PLA2G4A: variants seen among roughly 807,000 people sequenced by gnomAD.
PLA2G4A encodes the protein cytosolic phospholipase A2.
Under a neutral mutation model 81.9 loss-of-function variants are expected in PLA2G4A, and 40 were observed. The ratio of observed to expected loss-of-function variants is 0.49; its 90% CI spans 0.38 to 0.64. The LOEUF (loss-of-function observed/expected upper bound fraction) is 0.64, where lower values mean the gene tolerates loss of function less well. Among genes scored for constraint, PLA2G4A ranks in the 30% least tolerant of loss-of-function variants. The pLI, the probability that PLA2G4A is intolerant of heterozygous loss-of-function variation, is 0.00. For synonymous variants in PLA2G4A, 302 were observed against 296.9 expected (o/e 1.02, Z -0.18); for missense variants, 715 against 905.1 (o/e 0.79, Z 2.69).
intron 7 of PLA2G4A, among the ~76,000 whole-genome samples, chr1:186,925,497 A>G (rs766533934): frequency 3.9e-5 from 6 of 152,134 alleles, no homozygotes; most frequent in Non-Finnish European, 7.3e-5. Flanking sequence ...CCTCCCAGTA[A>G]GCACCTCTTA....
At chr1:186,919,810 T>G (rs1429947130) in intron 7 of PLA2G4A, among the ~76,000 whole-genome samples, 1 of 152,150 alleles carries the variant, frequency 6.6e-6, no homozygotes. Context: ...GGGTGCAAAG[T>G]CACTGTAGCT....
intron 1 of PLA2G4A, among the ~76,000 whole-genome samples, chr1:186,846,489 C>G (rs755633195): frequency 6.6e-6 from 1 of 152,018 alleles, no homozygotes; most frequent in Non-Finnish European, 1.5e-5. Context: ...TATTACAGGG[C>G]TCTCATGTAC....
At chr1:186,969,128 AT>A (rs970762306) in intron 15 of PLA2G4A, among the ~76,000 whole-genome samples, 3 of 151,874 alleles carry the variant, frequency 2.0e-5, no homozygotes, top group Admixed American at 6.6e-5. Flanking sequence ...TGTCATTTGT[AT>A]TGGGACTTTT....
intron 1 of PLA2G4A, among the ~76,000 whole-genome samples, chr1:186,838,160 C>A (rs1004179747): frequency 6.6e-6 from 1 of 152,084 alleles, no homozygotes. Context: ...GTGTAGAGAA[C>A]CTCTGTGGGT....
chr1:186,939,902 G>A (rs988958399), intron 9 of PLA2G4A, 78 bp from the exon 10 acceptor site: 1 of 753,140 alleles, frequency 1.3e-6, no homozygotes, highest in African/African-American at 1.7e-5. Flanking sequence ...ATTTTGATTG[G>A]AAGTACTATT....
At chr1:186,892,948 A>T in intron 3 of PLA2G4A, 63 bp from the exon 4 acceptor site, 1 of 1,179,652 alleles carries the variant, frequency 8.5e-7, no homozygotes, top group Non-Finnish European at 1.3e-6. Flanking sequence ...ATATATTAAT[A>T]AAAAAATTAG....
chr1:186,855,383 C>A (rs1452816420), intron 2 of PLA2G4A, among the ~76,000 whole-genome samples: 1 of 151,914 alleles, frequency 6.6e-6, no homozygotes, highest in African/African-American at 2.4e-5. Context: ...TATGCAAGCT[C>A]TTCTTTCTGT....
chr1:186,932,299 T>C (rs1439817129), intron 7 of PLA2G4A, among the ~76,000 whole-genome samples: 6 of 150,966 alleles, frequency 4.0e-5, no homozygotes, highest in Non-Finnish European at 8.9e-5. Flanking sequence ...TTTTTCTTTT[T>C]TTTTTTTTCT....
rs1189692171 is a variant in PLA2G4A at position 186,934,978 on chromosome 1, A to G, written c.695+2079A>G. ...TCCACCAACTTCTGCCATTTTAGCTATTACCACCAAGAATTTAATTCATGG... is the reference window on the plus strand; with the variant it reads ...TCCACCAACTTCTGCCATTTTAGCTGTTACCACCAAGAATTTAATTCATGG... On this transcript the variant is annotated intron_variant, in intron 8 of 17. Transcript: ENST00000367466. Among the ~76,000 whole-genome samples, 8 of 152,000 alleles carry G rather than the reference A, an allele frequency of 5.3e-5. No individual in the cohort carries two copies. The East Asian group carries it at 1.4e-3, about 26-fold the overall frequency.
intron 8 of PLA2G4A, among the ~76,000 whole-genome samples, chr1:186,933,361 AT>A (rs1365357152): frequency 6.6e-6 from 1 of 152,052 alleles, no homozygotes; most frequent in Admixed American, 6.6e-5. Flanking sequence ...AAAGAAAACA[AT>A]TTTTTTGAAT....
At position 186,856,888 on chromosome 1, in the gene PLA2G4A, G is replaced by A. The variant is rs113490635; in HGVS notation, c.33+2501G>A. 9.1e-3 allele frequency among the ~76,000 whole-genome samples: 1,371 copies of A among 150,484 alleles called. 9 individuals are homozygous for A. The highest frequency in any genetic ancestry group is 0.013 in the Non-Finnish European group (910 of 67,812). ...GGAAAAAATAAGCATATGTGAAGTA[G>A]TCTGAAGGCGGGATATAATAGTACA... On this transcript the variant is annotated intron_variant, in intron 2 of 17. Transcript: ENST00000367466.
intron 2 of PLA2G4A, among the ~76,000 whole-genome samples, chr1:186,858,472 T>C (rs1037133188): frequency 6.6e-6 from 1 of 152,158 alleles, no homozygotes; most frequent in Non-Finnish European, 1.5e-5. Flanking sequence ...CTTGTAAATT[T>C]GTTTGAGTTC....
chr1:186,863,251 A>T (rs1652880855), intron 2 of PLA2G4A, among the ~76,000 whole-genome samples: 1 of 152,200 alleles, frequency 6.6e-6, no homozygotes, highest in South Asian at 2.1e-4. Context: ...GAACTTTAGA[A>T]CCAAGCTATT....
chr1:186,977,103 G>C (rs1657560948), intron 15 of PLA2G4A, among the ~76,000 whole-genome samples: 1 of 152,144 alleles, frequency 6.6e-6, no homozygotes, highest in Non-Finnish European at 1.5e-5. Context: ...AAGACAAAAA[G>C]CTGATTCAGA....
At chr1:186,935,297 G>A (rs1370969486) in intron 8 of PLA2G4A, among the ~76,000 whole-genome samples, 1 of 151,734 alleles carries the variant, frequency 6.6e-6, no homozygotes, top group African/African-American at 2.4e-5. Flanking sequence ...CAAAAAATAG[G>A]CATATGAACC....
At chr1:186,939,576 G>A (rs1043913469) in intron 9 of PLA2G4A, among the ~76,000 whole-genome samples, 1 of 151,792 alleles carries the variant, frequency 6.6e-6, no homozygotes, top group African/African-American at 2.4e-5. Context: ...AGATGAGGAA[G>A]AATGAAGTTT....
chr1:186,958,527 A>G (rs1271352609), intron 14 of PLA2G4A, among the ~76,000 whole-genome samples: 1 of 152,202 alleles, frequency 6.6e-6, no homozygotes, highest in Non-Finnish European at 1.5e-5. Flanking sequence ...TACTCTATAG[A>G]AAGCGAAGAT....
At chr1:186,845,052 A>G (rs1477271427) in intron 1 of PLA2G4A, among the ~76,000 whole-genome samples, 3 of 152,100 alleles carry the variant, frequency 2.0e-5, no homozygotes, top group Non-Finnish European at 4.4e-5. Flanking sequence ...TCTACTAAAA[A>G]TACAAAAATT....
intron 10 of PLA2G4A, among the ~76,000 whole-genome samples, chr1:186,945,406 T>C (rs1180379203): frequency 6.6e-6 from 1 of 152,146 alleles, no homozygotes; most frequent in African/African-American, 2.4e-5. Flanking sequence ...AGCTTTCAGA[T>C]GACACTGGTG....
Sources: gnomAD v4.1 joint callset for allele counts (sites outside exome capture counted in the v4.1 genomes callset) on GRCh38, gnomAD v4.1.1 for gene constraint, MANE v1.5 for transcripts, NCBI Gene and HGNC (gene_info 2026-07-23, HGNC 2026-07-21) for gene names.